Variants in CACNA2D1 observed in about 807,000 individuals in gnomAD.
CACNA2D1 encodes the protein voltage-dependent calcium channel subunit alpha-2/delta-1.
In CACNA2D1, 53 loss-of-function variants were observed where a neutral mutation model predicts 171.5. That is an observed-to-expected ratio of 0.31 (90% CI 0.25 to 0.39). The LOEUF (loss-of-function observed/expected upper bound fraction) is 0.39. CACNA2D1 is among the 10% of genes least tolerant of loss of function. CACNA2D1 has a pLI of 1.00. For synonymous variants in CACNA2D1, 442 were observed against 443.1 expected (o/e 1.00, Z 0.03); for missense variants, 903 against 1,299.8 (o/e 0.69, Z 4.69).
At chr7:82,325,464 T>C (rs1355358867) in intron 3 of CACNA2D1, among the ~76,000 whole-genome samples, 2 of 148,542 alleles carry the variant, frequency 1.3e-5, no homozygotes, top group Non-Finnish European at 3.0e-5. Context: ...AGCATTAATA[T>C]GGCTTTTTTA....
At chr7:82,259,389 T>C (rs1806787247) in intron 3 of CACNA2D1, among the ~76,000 whole-genome samples, 1 of 152,200 alleles carries the variant, frequency 6.6e-6, no homozygotes. Context: ...ATTATAAATA[T>C]TTTAGTGTCC....
At chr7:82,410,012 G>C (rs1002521492) in intron 1 of CACNA2D1, among the ~76,000 whole-genome samples, 2 of 152,138 alleles carry the variant, frequency 1.3e-5, no homozygotes. Flanking sequence ...AACATAGAAA[G>C]CTACAGAAAA....
At chr7:82,192,800 AAC>A (rs148920133) in intron 3 of CACNA2D1, among the ~76,000 whole-genome samples, 12 of 147,430 alleles carry the variant, frequency 8.1e-5, no homozygotes, top group African/African-American at 1.0e-4. Context: ...ACTCTAACTA[AAC>A]ACACACACAC....
At chr7:82,309,588 T>G (rs1814168917) in intron 3 of CACNA2D1, among the ~76,000 whole-genome samples, 1 of 152,190 alleles carries the variant, frequency 6.6e-6, no homozygotes, top group South Asian at 2.1e-4. Context: ...CTCTGTAATC[T>G]AAAGCTGTAA....
intron 24 of CACNA2D1, among the ~76,000 whole-genome samples, chr7:81,981,250 A>G (rs1395571951): frequency 6.6e-6 from 1 of 152,148 alleles, no homozygotes; most frequent in Admixed American, 6.5e-5. Context: ...GAAGAAATGA[A>G]ACTCATGAAA....
chr7:82,293,360 A>G (rs1233022561), intron 3 of CACNA2D1, among the ~76,000 whole-genome samples: 1 of 152,108 alleles, frequency 6.6e-6, no homozygotes, highest in Non-Finnish European at 1.5e-5. Flanking sequence ...TCAATCATAC[A>G]TAATCTTTGT....
At chr7:82,042,218 T>C (rs1278791186) in intron 10 of CACNA2D1, among the ~76,000 whole-genome samples, 6 of 152,210 alleles carry the variant, frequency 3.9e-5, no homozygotes, top group Non-Finnish European at 8.8e-5. Flanking sequence ...GATAAGACTA[T>C]ATTTCACAGA....
chr7:81,958,614 AAGAT>A (rs1793722908), intron 38 of CACNA2D1, among the ~76,000 whole-genome samples: 1 of 152,054 alleles, frequency 6.6e-6, no homozygotes, highest in African/African-American at 2.4e-5. Flanking sequence ...TTATTAGAGA[AAGAT>A]AGCTGAACTA....
Position 81,971,830 on chromosome 7 carries a change from A to G in CACNA2D1, c.2088T>C (p.Asp696=), listed in dbSNP as rs1452957239. 3.1e-6 allele frequency: 5 copies of G among 1,608,668 alleles called. No individual in the cohort carries two copies. In the South Asian group the frequency reaches 4.4e-5, roughly 14 times the overall value. The change falls in exon 26 of 39, where the codon GAT becomes GAC. Residue 696 remains aspartate, a synonymous_variant. Transcript: ENST00000356860. ...NADLINRVLL[D]AGFTNELVQN... ...GGACAAGTTCATTTGTAAAGCCTGCATCAAGCAAGACTCTATTAATCAAAT... is the reference window on the plus strand; with the variant it reads ...GGACAAGTTCATTTGTAAAGCCTGCGTCAAGCAAGACTCTATTAATCAAAT...
intron 3 of CACNA2D1, among the ~76,000 whole-genome samples, chr7:82,323,277 G>C (rs1162926616): frequency 7.3e-5 from 11 of 151,200 alleles, no homozygotes; most frequent in Admixed American, 2.0e-4. Flanking sequence ...AAAAAAAAAA[G>C]AGGTGAAATG....
intron 1 of CACNA2D1, among the ~76,000 whole-genome samples, chr7:82,393,139 A>G (rs1485740198): frequency 1.8e-3 from 227 of 125,178 alleles, no homozygotes; most frequent in South Asian, 4.5e-3. Flanking sequence ...GGCAGGCAGG[A>G]AGGGAGGGAG....
chr7:82,416,692 C>T (rs938207507), intron 1 of CACNA2D1, among the ~76,000 whole-genome samples: 6 of 152,132 alleles, frequency 3.9e-5, no homozygotes, highest in Admixed American at 2.6e-4. Context: ...GAATTAAGGG[C>T]CCACCCTACT....
chr7:82,041,215 T>C (rs1803927308), intron 10 of CACNA2D1, among the ~76,000 whole-genome samples: 1 of 151,828 alleles, frequency 6.6e-6, no homozygotes, highest in Non-Finnish European at 1.5e-5. Flanking sequence ...CACTCAAGCA[T>C]AAGAAGACTG....
At chr7:82,043,588 C>T (rs767354225) in intron 10 of CACNA2D1, among the ~76,000 whole-genome samples, 10 of 152,308 alleles carry the variant, frequency 6.6e-5, no homozygotes, top group Middle Eastern at 3.4e-3. Flanking sequence ...GTCAGGTACA[C>T]AAATTGAAAG....
intron 3 of CACNA2D1, among the ~76,000 whole-genome samples, chr7:82,232,802 T>C (rs1012095500): frequency 2.3e-5 from 3 of 127,738 alleles, no homozygotes; most frequent in Non-Finnish European, 4.6e-5. Flanking sequence ...AGGCAGAGGT[T>C]GCAGTGAGCT....
At chr7:82,129,001 T>G (rs1048981136) in intron 5 of CACNA2D1, among the ~76,000 whole-genome samples, 2 of 152,182 alleles carry the variant, frequency 1.3e-5, no homozygotes, top group African/African-American at 4.8e-5. Context: ...ATTCATTTTG[T>G]TTTTAGCTTT....
rs139517099 is a variant in CACNA2D1 at position 81,960,617 on chromosome 7, T to C, written c.2967-788A>G. ...ATTTTGCAGAAAAGTGGGATTTTCT[T>C]TTTGCCCTGTTAAGCTTTGATTTCC... is the stretch of plus-strand genomic sequence containing the variant. On this transcript the variant is annotated intron_variant, in intron 36 of 38. Coordinates refer to ENST00000356860, the MANE Select transcript of CACNA2D1 (RefSeq NM_000722.4). Among the ~76,000 whole-genome samples the C allele has an allele frequency of 5.5e-3, 840 of 152,150 alleles. 4 individuals are homozygous for C. The highest frequency in any genetic ancestry group is 0.02 in the South Asian group (95 of 4,822).
chr7:82,440,505 A>C (rs1024512155), intron 1 of CACNA2D1, among the ~76,000 whole-genome samples: 2 of 152,066 alleles, frequency 1.3e-5, no homozygotes, highest in East Asian at 3.9e-4. Context: ...TTCCATTTAT[A>C]TATCAACCAA....
Position 82,007,663 on chromosome 7 carries a change from T to C in CACNA2D1, c.1440+16A>G, listed in dbSNP as rs779023977. 3.1e-6 allele frequency: 4 copies of C among 1,280,526 alleles called. No homozygotes were observed. Among genetic ancestry groups the C allele is most frequent in the East Asian group, 2.4e-5 (1 of 42,188 alleles). The allele number at this position is 1,280,526 out of a possible 1,614,324, so 79.3% of individuals were successfully genotyped here. A position where few individuals can be genotyped will look rare whatever the true frequency, so the allele number is the denominator to read the frequency against. On this transcript the variant is annotated intron_variant, in intron 16 of 38. Coordinates refer to ENST00000356860, the MANE Select transcript of CACNA2D1 (RefSeq NM_000722.4). ...TTGTCATTTATTATTATTAATTTTA[T>C]CAATTAACTTTTAACCTTTAAGTTT...
Sources: gnomAD v4.1 joint callset for allele counts (sites outside exome capture counted in the v4.1 genomes callset) on GRCh38, gnomAD v4.1.1 for gene constraint, MANE v1.5 for transcripts, NCBI Gene and HGNC (gene_info 2026-07-23, HGNC 2026-07-21) for gene names.